MARK3: variants seen among roughly 807,000 people sequenced by gnomAD.
MARK3 encodes microtubule affinity regulating kinase 3.
A neutral mutation model predicts 90.1 loss-of-function variants in MARK3; 46 were observed. That is an observed-to-expected ratio of 0.51 (90% CI 0.40 to 0.65). The LOEUF (loss-of-function observed/expected upper bound fraction) is 0.65. MARK3 is among the 30% of genes least tolerant of loss of function. The pLI is 0.00. For missense variants in MARK3, 818 were observed against 947.2 expected (o/e 0.86, Z 1.79); for synonymous variants, 321 against 332.6 (o/e 0.97, Z 0.38).
intron 7 of MARK3, among the ~76,000 whole-genome samples, chr14:103,464,842 G>A (rs542618320): frequency 6.6e-6 from 1 of 152,082 alleles, no homozygotes; most frequent in Admixed American, 6.5e-5. Context: ...GATTGCAGAT[G>A]TGTGCCACCA....
At chr14:103,456,405 G>C (rs2093279566) in intron 5 of MARK3, among the ~76,000 whole-genome samples, 1 of 152,140 alleles carries the variant, frequency 6.6e-6, no homozygotes, top group African/African-American at 2.4e-5. Context: ...CTAGCCTCAT[G>C]AACTACCCTC....
At chr14:103,456,807 G>A (rs941250212) in intron 5 of MARK3, among the ~76,000 whole-genome samples, 4 of 152,230 alleles carry the variant, frequency 2.6e-5, no homozygotes, top group Non-Finnish European at 5.9e-5. Flanking sequence ...CAGTGAGGAT[G>A]TCCTCTTCTA....
intron 1 of MARK3, among the ~76,000 whole-genome samples, chr14:103,404,099 G>A (rs2091130594): frequency 6.6e-6 from 1 of 152,152 alleles, no homozygotes; most frequent in African/African-American, 2.4e-5. Flanking sequence ...GGTAGATGGC[G>A]CAAGTTTTAA....
chr14:103,454,454 T>G (rs1425888091), intron 5 of MARK3, among the ~76,000 whole-genome samples: 3 of 152,176 alleles, frequency 2.0e-5, no homozygotes, highest in Non-Finnish European at 4.4e-5. Flanking sequence ...TTTGCCACAT[T>G]GGCCAGGCTG....
intron 3 of MARK3, among the ~76,000 whole-genome samples, chr14:103,440,262 G>A (rs2092817630): frequency 6.6e-6 from 1 of 152,204 alleles, no homozygotes; most frequent in South Asian, 2.1e-4. Flanking sequence ...AAACATGACT[G>A]CTGTGAATTG....
At chr14:103,410,866 T>G (rs1029293069) in intron 2 of MARK3, among the ~76,000 whole-genome samples, 32 of 152,238 alleles carry the variant, frequency 2.1e-4, no homozygotes, top group African/African-American at 7.7e-4. Flanking sequence ...CTGTTTATGA[T>G]GTCTTTCTTG....
intron 1 of MARK3, among the ~76,000 whole-genome samples, chr14:103,399,798 T>C (rs2090839880): frequency 6.6e-6 from 1 of 152,022 alleles, no homozygotes; most frequent in South Asian, 2.1e-4. Context: ...TTGGTGGTAT[T>C]TTAAGGTAGT....
intron 3 of MARK3, among the ~76,000 whole-genome samples, chr14:103,428,701 G>A (rs1009064339): frequency 2.0e-5 from 3 of 151,974 alleles, no homozygotes; most frequent in East Asian, 1.9e-4. Flanking sequence ...ATAGTTGTAC[G>A]AGGCTGTACT....
intron 1 of MARK3, among the ~76,000 whole-genome samples, chr14:103,398,670 G>T (rs1463665375): frequency 6.6e-6 from 1 of 152,134 alleles, no homozygotes; most frequent in Non-Finnish European, 1.5e-5. Context: ...ACCATGCCTG[G>T]CCAAGAGTTT....
intron 13 of MARK3, among the ~76,000 whole-genome samples, chr14:103,476,673 A>G (rs2093720374): frequency 6.6e-6 from 1 of 151,774 alleles, no homozygotes; most frequent in East Asian, 1.9e-4. Flanking sequence ...ACAATGATGC[A>G]GCCCTGCCTC....
At chr14:103,472,635 G>A (rs1429415781) in intron 12 of MARK3, among the ~76,000 whole-genome samples, 6 of 129,074 alleles carry the variant, frequency 4.6e-5, no homozygotes, top group African/African-American at 1.8e-4. Context: ...CCAACAGAGC[G>A]AGGCTCCATC....
chr14:103,434,029 C>T (rs984143344), intron 3 of MARK3, among the ~76,000 whole-genome samples: 8 of 152,008 alleles, frequency 5.3e-5, no homozygotes, highest in African/African-American at 1.2e-4. Context: ...TTCTCATTAT[C>T]GTGTGTTTCT....
chr14:103,468,820 G>A (rs1332064019), intron 12 of MARK3, among the ~76,000 whole-genome samples: 3 of 150,084 alleles, frequency 2.0e-5, no homozygotes, highest in Non-Finnish European at 3.0e-5. Context: ...TGGAGATGGG[G>A]GTCTCGCTAT....
intron 12 of MARK3, among the ~76,000 whole-genome samples, chr14:103,472,209 CA>C (rs35696641): frequency 0.013 from 1,260 of 96,774 alleles, 21 homozygotes; most frequent in African/African-American, 0.059. Flanking sequence ...GACTCCGTCT[CA>C]AAAAAAAAAA....
In MARK3 at chr14:103,392,218, G is replaced by A. The variant is rs554573532; in HGVS notation, c.51+6138G>A. Reference sequence around the variant, plus strand: ...TATTCAGCAAGTGTGAATGCCTACCGTGTGTATGATACTGTGCTAGGTGCT... The same window carrying A: ...TATTCAGCAAGTGTGAATGCCTACCATGTGTATGATACTGTGCTAGGTGCT... On this transcript the variant is annotated intron_variant, in intron 1 of 17. Transcript: ENST00000429436. 8.7e-4 allele frequency among the ~76,000 whole-genome samples: 133 copies of A among 152,278 alleles called. 1 individual carries two copies. The highest frequency in any genetic ancestry group is 2.9e-3 in the African/African-American group (121 of 41,540).
chr14:103,481,385 A>G (rs924830350), intron 14 of MARK3, among the ~76,000 whole-genome samples: 1 of 152,014 alleles, frequency 6.6e-6, no homozygotes, highest in Non-Finnish European at 1.5e-5. Flanking sequence ...TTACGGTGTG[A>G]GGTTCTGTTT....
At chr14:103,425,267 T>TATTC (rs2092364258) in intron 2 of MARK3, among the ~76,000 whole-genome samples, 1 of 151,428 alleles carries the variant, frequency 6.6e-6, no homozygotes, top group Admixed American at 6.6e-5. Flanking sequence ...TTTATTTATT[T>TATTC]ATTTATTTAT....
chr14:103,389,363 CAA>C (rs574837222), intron 1 of MARK3, among the ~76,000 whole-genome samples: 4 of 130,010 alleles, frequency 3.1e-5, no homozygotes, highest in Non-Finnish European at 1.6e-5. Flanking sequence ...GACTCCATCT[CAA>C]AAAAAAAAAA....
chr14:103,445,812 A>G (rs182988846), intron 3 of MARK3, among the ~76,000 whole-genome samples: 1 of 152,290 alleles, frequency 6.6e-6, no homozygotes, highest in Non-Finnish European at 1.5e-5. Context: ...GAGACTTAAA[A>G]ATGATTGCCT....
Sources: gnomAD v4.1 joint callset for allele counts (sites outside exome capture counted in the v4.1 genomes callset) on GRCh38, gnomAD v4.1.1 for gene constraint, MANE v1.5 for transcripts, NCBI Gene and HGNC (gene_info 2026-07-23, HGNC 2026-07-21) for gene names.